Variants in AGBL1 observed in about 807,000 individuals in gnomAD.
AGBL1 encodes cytosolic carboxypeptidase 4.
AGBL1 carries 130 observed loss-of-function variants against 118.9 expected under a neutral mutation model. The observed-to-expected ratio is 1.09, with a 90% CI of 0.95 to 1.26. The LOEUF (loss-of-function observed/expected upper bound fraction) is 1.26, where lower values mean the gene tolerates loss of function less well. Ranked by LOEUF, AGBL1 falls within the 50% of genes most tolerant of loss-of-function variation. The pLI, the probability that AGBL1 is intolerant of heterozygous loss-of-function variation, is 0.00. For missense variants in AGBL1, 1,584 were observed against 1,298.1 expected (o/e 1.22, Z -3.38); for synonymous variants, 555 against 478.9 (o/e 1.16, Z -2.08).
chr15:86,733,892 C>T (rs1462601905), intron 22 of AGBL1, among the ~76,000 whole-genome samples: 1 of 152,094 alleles, frequency 6.6e-6, no homozygotes, highest in Non-Finnish European at 1.5e-5. Flanking sequence ...CCAGAACACT[C>T]TGCCTTCATA....
At chr15:86,559,328 C>G (rs936552654) in intron 21 of AGBL1, among the ~76,000 whole-genome samples, 4 of 152,168 alleles carry the variant, frequency 2.6e-5, no homozygotes, top group Non-Finnish European at 5.9e-5. Context: ...CTGGGTCACA[C>G]AAGAAAACAC....
At chr15:86,733,543 G>A (rs1567146274) in intron 22 of AGBL1, among the ~76,000 whole-genome samples, 1 of 152,072 alleles carries the variant, frequency 6.6e-6, no homozygotes, top group Non-Finnish European at 1.5e-5. Context: ...GCTTGGGATG[G>A]GACCTGGCAC....
chr15:86,179,095 C>T lies in AGBL1; in HGVS notation c.488+20069C>T, dbSNP rs146833955. ...CAAGGCTGTAAATCAATTAATTATT[C>T]AGCATTCCCTCCCAAGATGGGGCAC... On this transcript the variant is annotated intron_variant, in intron 5 of 22. Coordinates refer to ENST00000614907, the MANE Select transcript of AGBL1 (RefSeq NM_001386094.1). Among the ~76,000 whole-genome samples the T allele has an allele frequency of 4.1e-3, 632 of 152,308 alleles. 8 individuals carry two copies. The highest frequency in any genetic ancestry group is 0.015 in the African/African-American group (605 of 41,568).
intron 22 of AGBL1, among the ~76,000 whole-genome samples, chr15:86,811,298 A>C (rs1297343785): frequency 6.6e-6 from 1 of 152,168 alleles, no homozygotes; most frequent in Non-Finnish European, 1.5e-5. Context: ...GGTAAAATAA[A>C]AGGATAGAAC....
At chr15:86,296,096 A>G (rs1465121732) in intron 17 of AGBL1, 1 of 152,210 alleles carries the variant, frequency 6.6e-6, no homozygotes. Flanking sequence ...ACACGTACAC[A>G]CAAACATCTT....
At chr15:86,744,639 G>T (rs940717632) in intron 22 of AGBL1, among the ~76,000 whole-genome samples, 5 of 152,040 alleles carry the variant, frequency 3.3e-5, no homozygotes, top group Admixed American at 6.6e-5. Context: ...CCCCCAGAGG[G>T]GGGGAGGAGT....
chr15:86,946,843 C>CAAAAAAAAA (rs11355715), intron 23 of AGBL1, among the ~76,000 whole-genome samples: 1 of 100,142 alleles, frequency 1.0e-5, no homozygotes, highest in African/African-American at 3.8e-5. Flanking sequence ...AAACTCGGTC[C>CAAAAAAAAA]AAAAAAAAAA....
At chr15:87,031,231 T>C (rs1439258844), downstream of AGBL1, among the ~76,000 whole-genome samples, 3 of 151,966 alleles carry the variant, frequency 2.0e-5, no homozygotes, top group Admixed American at 6.6e-5. Flanking sequence ...TTTTCCTTAA[T>C]TTTTTTAAAC....
At chr15:86,310,316 T>G (rs1397140965) in intron 17 of AGBL1, among the ~76,000 whole-genome samples, 1 of 152,108 alleles carries the variant, frequency 6.6e-6, no homozygotes, top group Non-Finnish European at 1.5e-5. Flanking sequence ...TCTTTTTCTC[T>G]TACTTAGTTT....
intron 1 of AGBL1, among the ~76,000 whole-genome samples, chr15:86,133,148 ATTAAAC>A (rs2076841044): frequency 6.6e-6 from 1 of 152,144 alleles, no homozygotes; most frequent in African/African-American, 2.4e-5. Context: ...GTTGATCTGA[ATTAAAC>A]TTACATTTTT....
intron 22 of AGBL1, among the ~76,000 whole-genome samples, chr15:86,825,644 A>G (rs1281898257): frequency 6.9e-6 from 1 of 145,124 alleles, no homozygotes; most frequent in Non-Finnish European, 1.5e-5. Context: ...GAAGGAAGGA[A>G]AGAAAGGAAG....
intron 18 of AGBL1, among the ~76,000 whole-genome samples, chr15:86,422,666 TG>T (rs2081807946): frequency 6.6e-6 from 1 of 151,988 alleles, no homozygotes; most frequent in African/African-American, 2.4e-5. Context: ...TGATTTTTTT[TG>T]AAAAGATTAA....
At chr15:86,375,025 C>G (rs1209201188) in intron 17 of AGBL1, among the ~76,000 whole-genome samples, 1 of 152,142 alleles carries the variant, frequency 6.6e-6, no homozygotes, top group African/African-American at 2.4e-5. Flanking sequence ...TTCTTGGTTT[C>G]CCTTTGTGGA....
chr15:86,784,493 T>G (rs991677051), intron 22 of AGBL1, among the ~76,000 whole-genome samples: 1 of 152,242 alleles, frequency 6.6e-6, no homozygotes, highest in Non-Finnish European at 1.5e-5. Flanking sequence ...ACCCAGGTTC[T>G]ATCCTTAGAG....
intron 24 of AGBL1, chr15:86,988,202 A>C (rs1260808629): frequency 7.6e-7 from 1 of 1,324,488 alleles, no homozygotes; most frequent in Non-Finnish European, 1.0e-6. Flanking sequence ...GGGTGGGCCA[A>C]CAACAAAAAA....
chr15:86,991,719 A>G (rs768830032), intron 24 of AGBL1, among the ~76,000 whole-genome samples: 13 of 152,192 alleles, frequency 8.5e-5, no homozygotes, highest in East Asian at 5.8e-4. Flanking sequence ...ACTTATGTCA[A>G]TTCTCTCTGA....
chr15:86,096,786 T>C (rs1042518711), intron 1 of AGBL1, among the ~76,000 whole-genome samples: 6 of 152,166 alleles, frequency 3.9e-5, no homozygotes, highest in African/African-American at 7.2e-5. Context: ...CACTCCTTCC[T>C]TGAGTAACCT....
intron 22 of AGBL1, among the ~76,000 whole-genome samples, chr15:86,888,182 A>T (rs1204575276): frequency 6.6e-6 from 1 of 152,046 alleles, no homozygotes; most frequent in African/African-American, 2.4e-5. Context: ...GACCAAGACC[A>T]GTCCTGTTGC....
At chr15:86,793,325 A>G (rs1022270299) in intron 22 of AGBL1, among the ~76,000 whole-genome samples, 4 of 152,248 alleles carry the variant, frequency 2.6e-5, no homozygotes, top group Non-Finnish European at 4.4e-5. Context: ...TAATCCAGAT[A>G]TAAACCCATA....
Sources: allele counts gnomAD v4.1 joint callset (sites outside exome capture counted in the v4.1 genomes callset), GRCh38; gene constraint gnomAD v4.1.1; transcripts MANE v1.5; gene names NCBI Gene and HGNC (gene_info 2026-07-23, HGNC 2026-07-21).